NDUFAF2: variants seen among roughly 807,000 people sequenced by gnomAD.
NDUFAF2 encodes NADH:ubiquinone oxidoreductase complex assembly factor 2, also known as NADH dehydrogenase [ubiquinone] 1 alpha subcomplex assembly factor 2.
A neutral mutation model predicts 22.8 loss-of-function variants in NDUFAF2; 13 were observed. That is an observed-to-expected ratio of 0.57 (90% confidence interval 0.37 to 0.91). NDUFAF2 has a LOEUF of 0.91. Ranked by LOEUF, NDUFAF2 falls within the 40% of genes least tolerant of loss-of-function variation. The pLI, the probability that NDUFAF2 is intolerant of heterozygous loss-of-function variation, is 0.01. For synonymous variants in NDUFAF2, 53 were observed against 64.2 expected, an observed-to-expected ratio of 0.83 and a Z score of 0.84; for missense variants, 162 against 195.2, an observed-to-expected ratio of 0.83 and a Z score of 1.01.
At chr5:60,955,179 C>T (rs1750598820) in intron 1 of NDUFAF2, among the ~76,000 whole-genome samples, 1 of 152,150 alleles carries the variant, frequency 6.6e-6, no homozygotes, top group African/African-American at 2.4e-5. Context: ...CTGTTTTCTT[C>T]TAAGAGTTTT....
chr5:60,995,754 T>A (rs1751221232), intron 1 of NDUFAF2, among the ~76,000 whole-genome samples: 1 of 152,228 alleles, frequency 6.6e-6, no homozygotes, highest in African/African-American at 2.4e-5. Flanking sequence ...GCCAAGGCTG[T>A]GTCCTTCCCT....
At position 61,094,337 on chromosome 5, in the gene NDUFAF2, G is replaced by A. The variant is rs111332801; in HGVS notation, c.218-4655G>A. On this transcript the variant is annotated intron_variant, in intron 2 of 3. Transcript: ENST00000296597. Reference sequence around the variant, plus strand: ...GTATTATGGTTTTCAGCTCTATCAGGTTGGTTACATTCTTCTCTATACTGG... The same window carrying A: ...GTATTATGGTTTTCAGCTCTATCAGATTGGTTACATTCTTCTCTATACTGG... Among the ~76,000 whole-genome samples the A allele has an allele frequency of 8.7e-3, 1,328 of 152,274 alleles. 22 individuals carry two copies. Among genetic ancestry groups the A allele is most frequent in the African/African-American group, 0.031 (1,272 of 41,546 alleles).
intron 3 of NDUFAF2, among the ~76,000 whole-genome samples, chr5:61,119,374 T>C (rs1752950498): frequency 6.6e-6 from 1 of 152,190 alleles, no homozygotes; most frequent in South Asian, 2.1e-4. Flanking sequence ...TATATGTCTA[T>C]AATTTAGATT....
intron 1 of NDUFAF2, among the ~76,000 whole-genome samples, chr5:60,969,168 A>G (rs1750796107): frequency 1.3e-5 from 2 of 152,252 alleles, no homozygotes; most frequent in Non-Finnish European, 2.9e-5. Flanking sequence ...GTACTACAGT[A>G]AACATGGGAG....
At chr5:60,972,389 A>C (rs771073262) in intron 1 of NDUFAF2, among the ~76,000 whole-genome samples, 2 of 152,072 alleles carry the variant, frequency 1.3e-5, no homozygotes, top group Non-Finnish European at 2.9e-5. Flanking sequence ...TGGTTTCCCC[A>C]ATCCTGCTCT....
chr5:61,070,281 T>C (rs1752278808), intron 1 of NDUFAF2, among the ~76,000 whole-genome samples: 1 of 152,146 alleles, frequency 6.6e-6, no homozygotes, highest in African/African-American at 2.4e-5. Context: ...CATGAAAGCA[T>C]ATTAGTATAA....
intron 1 of NDUFAF2, among the ~76,000 whole-genome samples, chr5:61,065,821 CGTA>C (rs2111721079): frequency 6.6e-6 from 1 of 151,952 alleles, no homozygotes; most frequent in African/African-American, 2.4e-5. Flanking sequence ...TTCTGTTCAG[CGTA>C]GTACTAGAAG....
intron 3 of NDUFAF2, among the ~76,000 whole-genome samples, chr5:61,129,815 T>A (rs908344764): frequency 4.6e-5 from 7 of 151,790 alleles, no homozygotes; most frequent in African/African-American, 1.7e-4. Flanking sequence ...TACTTATAAG[T>A]AAAAAATAAT....
intron 1 of NDUFAF2, among the ~76,000 whole-genome samples, chr5:61,040,844 T>C (rs1751872410): frequency 6.6e-6 from 1 of 152,180 alleles, no homozygotes; most frequent in African/African-American, 2.4e-5. Flanking sequence ...TTTGGGTTTC[T>C]ATAGTTAGCA....
chr5:61,020,901 G>A (rs1400470618), intron 1 of NDUFAF2, among the ~76,000 whole-genome samples: 1 of 151,568 alleles, frequency 6.6e-6, no homozygotes, highest in African/African-American at 2.4e-5. Flanking sequence ...TCATCATGTT[G>A]GTCAGGCTGG....
intron 1 of NDUFAF2, among the ~76,000 whole-genome samples, chr5:60,989,310 A>G (rs329624): frequency 0.67 from 102,323 of 152,026 alleles, 34,787 homozygotes; most frequent in East Asian, 0.94. Flanking sequence ...CACTGCTGGT[A>G]GGAGTGTAAA....
chr5:61,117,423 A>G (rs1168855140), intron 3 of NDUFAF2, among the ~76,000 whole-genome samples: 5 of 152,170 alleles, frequency 3.3e-5, no homozygotes, highest in African/African-American at 7.2e-5. Flanking sequence ...TGGCACTGTC[A>G]TAGCTTACTG....
intron 3 of NDUFAF2, among the ~76,000 whole-genome samples, chr5:61,110,334 A>G (rs902208329): frequency 1.3e-5 from 2 of 151,002 alleles, no homozygotes; most frequent in African/African-American, 2.4e-5. Flanking sequence ...GATTTGGTAT[A>G]TTGACCTACT....
intron 1 of NDUFAF2, among the ~76,000 whole-genome samples, chr5:60,989,943 A>C (rs1751136331): frequency 6.6e-6 from 1 of 152,234 alleles, no homozygotes; most frequent in Non-Finnish European, 1.5e-5. Flanking sequence ...AATGTGGTAC[A>C]TATATAAAAT....
chr5:61,059,774 A>G (rs766751842), intron 1 of NDUFAF2, among the ~76,000 whole-genome samples: 1 of 152,102 alleles, frequency 6.6e-6, no homozygotes, highest in Non-Finnish European at 1.5e-5. Flanking sequence ...TAAGACTTCT[A>G]TAATTGCTTT....
chr5:60,976,943 A>C (rs62367872), intron 1 of NDUFAF2, among the ~76,000 whole-genome samples: 1 of 151,858 alleles, frequency 6.6e-6, no homozygotes, highest in Non-Finnish European at 1.5e-5. Flanking sequence ...TTGAATATCT[A>C]TCTTCTGTGT....
intron 2 of NDUFAF2, among the ~76,000 whole-genome samples, chr5:61,074,571 GTGAGACTCCATC>G (rs1385060849): frequency 6.6e-6 from 1 of 151,504 alleles, no homozygotes; most frequent in African/African-American, 2.4e-5. Flanking sequence ...TGGTGACAGA[GTGAGACTCCATC>G]TCAGAAAATA....
intron 3 of NDUFAF2, among the ~76,000 whole-genome samples, chr5:61,121,848 T>C (rs1273563629): frequency 2.0e-5 from 3 of 151,308 alleles, no homozygotes; most frequent in Admixed American, 6.6e-5. Flanking sequence ...TTTCTTTTTT[T>C]TTTTGACAGT....
intron 1 of NDUFAF2, among the ~76,000 whole-genome samples, chr5:60,991,632 T>C (rs565965547): frequency 6.6e-6 from 1 of 152,310 alleles, no homozygotes; most frequent in Admixed American, 6.5e-5. Flanking sequence ...CAAATGACAG[T>C]ATCACCTTTT....
Sources: allele counts gnomAD v4.1 joint callset (sites outside exome capture counted in the v4.1 genomes callset), GRCh38; gene constraint gnomAD v4.1.1; transcripts MANE v1.5; gene names NCBI Gene and HGNC (gene_info 2026-07-23, HGNC 2026-07-21).